The following AHNAK2 variants were observed in gnomAD, a reference collection of about 807,000 sequenced individuals.
AHNAK2 encodes AHNAK nucleoprotein 2, also known as protein AHNAK2.
In AHNAK2, 18 loss-of-function variants were observed where a neutral mutation model predicts 30.7. The observed-to-expected ratio is 0.59, with a 90% CI of 0.41 to 0.87. The LOEUF is 0.87. Among genes scored for constraint, AHNAK2 ranks in the 40% least tolerant of loss-of-function variants. The probability of loss-of-function intolerance (pLI) is 0.00; values close to 1 mark genes in which losing one functional copy is unlikely to be tolerated. For missense variants in AHNAK2, 8,604 were observed against 7,373.0 expected (o/e 1.17, Z -6.11); for synonymous variants, 3,590 against 3,073.8 (o/e 1.17, Z -5.56).
rs1027341343 is a variant in AHNAK2 at position 104,938,035 on chromosome 14, T to C, written c.*28A>G. On this transcript the variant is annotated 3_prime_UTR_variant, in exon 7 of 7. Transcript: ENST00000333244. ...TTACTTTCCAACTTAGTTTTTTGCA[T>C]CTCTCTTGTACTGATGAGCCATACC... 8 of 1,582,906 alleles carry C rather than the reference T, an allele frequency of 5.1e-6. No homozygotes were observed. Among genetic ancestry groups the C allele is most frequent in the Non-Finnish European group, 6.9e-6 (8 of 1,162,998 alleles).
Position 104,944,722 on chromosome 14 carries a change from C to G in AHNAK2, c.10729G>C (p.Asp3577His). The change falls in exon 7 of 7, where the codon GAT becomes CAT. Residue 3577 changes from aspartate (D) to histidine (H), a missense_variant. Physicochemically the swap from Asp to His is moderately conservative, Grantham distance 81 (BLOSUM62 -1). Transcript: ENST00000333244. ...AGGTCCAGCTTGGGGCCCTTAACAT[C>G]TATCTGGGGGCCCTTGAGGTCCACT... ...PKVDLKGPQIDVKGPKLDLKG... is the reference protein window; with the variant it reads ...PKVDLKGPQIHVKGPKLDLKG... 6.2e-7 allele frequency: 1 copy of G among 1,612,594 alleles called. No individual in the cohort carries two copies. Among genetic ancestry groups the G allele is most frequent in the Non-Finnish European group, 8.5e-7 (1 of 1,179,524 alleles).
chr14:104,939,917 C>T lies in AHNAK2; in HGVS notation c.15534G>A (p.Glu5178=). The part of the protein sequence containing the change: ...AEVLTVESPE[E]EAMTKYSQES... Reference sequence around the variant, plus strand: ...CCTGCGAGTACTTGGTCATGGCTTCCTCCTCTGGGCTTTCCACTGTGAGGA... The same window carrying T: ...CCTGCGAGTACTTGGTCATGGCTTCTTCCTCTGGGCTTTCCACTGTGAGGA... The change falls in exon 7 of 7, where the codon GAG becomes GAA. Residue 5178 remains glutamate, a synonymous_variant. Coordinates refer to ENST00000333244, the MANE Select transcript of AHNAK2 (RefSeq NM_138420.4). 1.9e-6 allele frequency: 3 copies of T among 1,612,730 alleles called. No homozygotes were observed. Among genetic ancestry groups the T allele is most frequent in the Non-Finnish European group, 2.5e-6 (3 of 1,179,902 alleles).
At position 104,942,415 on chromosome 14, in the gene AHNAK2, G is replaced by C; in HGVS notation, c.13036C>G (p.Leu4346Val). Residue 4346 changes from leucine (L) to valine (V), a missense_variant, in exon 7 of 7, where the codon CTC becomes GTC. Leu to Val is a conservative substitution (Grantham distance 32). Transcript: ENST00000333244. ...TCAGCGGAAGGGGGCTGAATGCTGA[G>C]GTGAGTGGTCTTCAGGTCCCCCTGC... is the stretch of plus-strand genomic sequence containing the variant. ...SMQGDLKTTH[L>V]SIQPPSADLE... The C allele has an allele frequency of 6.2e-7, 1 of 1,613,118 alleles. No individual in the cohort carries two copies. The highest frequency in any genetic ancestry group is 1.1e-5 in the South Asian group (1 of 91,058).
Position 104,947,507 on chromosome 14 carries a change from G to T in AHNAK2, c.7944C>A (p.Phe2648Leu), listed in dbSNP as rs1898353459. Residue 2648 changes from phenylalanine (F) to leucine (L), a missense_variant, in exon 7 of 7, where the codon TTC (phenylalanine) becomes TTA (leucine). Transcript: ENST00000333244. Reference sequence around the variant, plus strand: ...ATGGCATCTTGAACTTGGGCATTTTGAACTTGCTATCTTTGGCTGTCACAC... The same window carrying T: ...ATGGCATCTTGAACTTGGGCATTTTTAACTTGCTATCTTTGGCTGTCACAC... ...DKGVTAKDSK[F>L]KMPKFKMPSF... The T allele has an allele frequency of 1.3e-5, 21 of 1,612,520 alleles. No homozygotes were observed. The highest frequency in any genetic ancestry group is 3.3e-5 in the Admixed American group (2 of 59,884).
chr14:104,938,305 C>G lies in AHNAK2; in HGVS notation c.17146G>C (p.Glu5716Gln). 1 of 1,613,878 alleles carries G rather than the reference C, an allele frequency of 6.2e-7. No individual in the cohort carries two copies. The change falls in exon 7 of 7, where the codon GAA becomes CAA. Residue 5716 changes from glutamate (E) to glutamine (Q), a missense_variant. Transcript: ENST00000333244. ...TGTTCTTCCAGCTCTGCCCCATCTT[C>G]GGTGCTTTTGCTTTTCTTGGTAGGA... Reference protein sequence around the residue: ...SSPTKKSKSTEDGAELEEQKL... With the variant: ...SSPTKKSKSTQDGAELEEQKL...
chr14:104,955,720 G>T, intron 4 of AHNAK2, 87 bp from the exon 5 acceptor site: 1 of 1,507,320 alleles, frequency 6.6e-7, no homozygotes. Context: ...TCCAGAGGAT[G>T]GGCACCCCAC....
intron 4 of AHNAK2, 25 bp from the exon 5 acceptor site, chr14:104,955,658 A>G (rs752793172): frequency 8.7e-6 from 14 of 1,607,674 alleles, no homozygotes; most frequent in Admixed American, 1.7e-5. Flanking sequence ...CATCAGGGCC[A>G]TGGTGAGCAT....
In AHNAK2 at chr14:104,951,236, G is replaced by T; in HGVS notation, c.4215C>A (p.Ala1405=). The T allele has an allele frequency of 6.6e-6, 7 of 1,060,946 alleles. 3 individuals are homozygous for T. Among genetic ancestry groups the T allele is most frequent in the Non-Finnish European group, 9.6e-6 (7 of 732,154 alleles). The allele number at this position is 1,060,946 out of a possible 1,614,324, so 65.7% of individuals were successfully genotyped here. Residue 1405 remains alanine, a synonymous_variant, in exon 7 of 7, where the codon GCC becomes GCA. Coordinates refer to ENST00000333244, the MANE Select transcript of AHNAK2 (RefSeq NM_138420.4). ...GCTTGGGCAGGTGCCCTTTGAGGCC[G>T]GCTCCCTCGGGCACGGGGCCCTCTG... ...KLPEGPVPEG[A]GLKGHLPKLQ...
At position 104,945,098 on chromosome 14, in the gene AHNAK2, A is replaced by C; in HGVS notation, c.10353T>G (p.Asp3451Glu). ...ACAGGTCCCCCTCCAGCCGCGCACC[A>C]TCCAGCTTGGCTCTCGGGGCCTGGA... ...VDVQAPRAKL[D>E]GARLEGDLSL... Residue 3451 changes from aspartate (D) to glutamate (E), a missense_variant, in exon 7 of 7, where the codon GAT becomes GAG. Coordinates refer to ENST00000333244, the MANE Select transcript of AHNAK2 (RefSeq NM_138420.4). The C allele has an allele frequency of 6.2e-7, 1 of 1,612,772 alleles. No homozygotes were observed. Among genetic ancestry groups the C allele is most frequent in the Non-Finnish European group, 8.5e-7 (1 of 1,179,600 alleles).
At position 104,943,428 on chromosome 14, in the gene AHNAK2, T is replaced by G; in HGVS notation, c.12023A>C (p.Gln4008Pro). The G allele has an allele frequency of 6.2e-7, 1 of 1,613,280 alleles. No individual in the cohort carries two copies. Among genetic ancestry groups the G allele is most frequent in the Non-Finnish European group, 8.5e-7 (1 of 1,179,642 alleles). ...GAGGTCAGTGGCCTTGAGGTCCCCC[T>G]GCATGGAAGGGAGGCTCACGTCGGC... ...VEADVSLPSM[Q>P]GDLKATDLSV... Residue 4008 changes from glutamine (Q) to proline (P), a missense_variant, in exon 7 of 7, where the codon CAG becomes CCG. Coordinates refer to ENST00000333244, the MANE Select transcript of AHNAK2 (RefSeq NM_138420.4).
chr14:104,961,303 A>G (rs185389641), intron 1 of AHNAK2, among the ~76,000 whole-genome samples: 1 of 151,728 alleles, frequency 6.6e-6, no homozygotes, highest in Non-Finnish European at 1.5e-5. Flanking sequence ...TCACGAGGTC[A>G]GGAGATCAAA....
rs552547151 is a variant in AHNAK2 at position 104,943,972 on chromosome 14, G to A, written c.11479C>T (p.His3827Tyr). The change falls in exon 7 of 7, where the codon CAC becomes TAC. Residue 3827 changes from histidine (H) to tyrosine (Y), a missense_variant. By Grantham distance (83) the His-to-Tyr change is moderately conservative. Transcript: ENST00000333244. ...APGKSIEASVHVSAPKVEADV... is the reference protein window; with the variant it reads ...APGKSIEASVYVSAPKVEADV... ...GCCTCCACCTTGGGTGCAGACACGT[G>A]CACCGAGGCCTCAATGGACTTGCCT... 1.9e-6 allele frequency: 3 copies of A among 1,608,304 alleles called. No individual in the cohort carries two copies. The highest frequency in any genetic ancestry group is 3.4e-5 in the Admixed American group (2 of 59,432).
rs776047703 is a variant in AHNAK2, at chr14:104,948,505, T to G, written c.6946A>C (p.Ser2316Arg). The stretch of plus-strand genomic sequence containing the variant: ...TTGAACTTGGGCATTTTGAACTTGC[T>G]GTCTTTGGCAGTCACGTCCTTGTCG... ...LADKDVTAKD[S>R]KFKMPKFKML... is the part of the protein sequence containing the mutation. Residue 2316 changes from serine (S) to arginine (R), a missense_variant, in exon 7 of 7, where the codon AGC becomes CGC. Coordinates refer to ENST00000333244, the MANE Select transcript of AHNAK2 (RefSeq NM_138420.4). The G allele has an allele frequency of 1.2e-6, 2 of 1,610,588 alleles. No individual in the cohort carries two copies. Among genetic ancestry groups the G allele is most frequent in the East Asian group, 2.2e-5 (1 of 44,562 alleles).
In AHNAK2 at chr14:104,955,001, C is replaced by G. The variant is rs772401283; in HGVS notation, c.607G>C (p.Ala203Pro). The G allele has an allele frequency of 6.2e-7, 1 of 1,613,636 alleles. No individual in the cohort carries two copies. The highest frequency in any genetic ancestry group is 2.2e-5 in the East Asian group (1 of 44,892). ...QLPAPQDEEW[A>P]SSDAQHGPQG... ...GGGCCGTGCTGGGCATCGCTGGAAGCCCACTCTTCATCCTGTGGGGCAGGG... is the reference window on the plus strand; with the variant it reads ...GGGCCGTGCTGGGCATCGCTGGAAGGCCACTCTTCATCCTGTGGGGCAGGG... Residue 203 changes from alanine to proline, a missense_variant, in exon 6 of 7, where the codon GCT becomes CCT. Transcript: ENST00000333244.
Position 104,951,260 on chromosome 14 carries a change from T to C in AHNAK2, c.4191A>G (p.Pro1397=), listed in dbSNP as rs572861020. Reference sequence around the variant, plus strand: ...CGGCTCCCTCGGGCACGGGGCCCTCTGGGAGTTTCACGTCCAATTGGCCAG... The same window carrying C: ...CGGCTCCCTCGGGCACGGGGCCCTCCGGGAGTTTCACGTCCAATTGGCCAG... ...LQAGQLDVKL[P]EGPVPEGAGL... Residue 1397 remains proline, a synonymous_variant, in exon 7 of 7, where the codon CCA becomes CCG. Coordinates refer to ENST00000333244, the MANE Select transcript of AHNAK2 (RefSeq NM_138420.4). 9.0e-4 allele frequency: 947 copies of C among 1,054,068 alleles called. 271 individuals carry two copies. The highest frequency in any genetic ancestry group is 6.9e-3 in the East Asian group (294 of 42,830). 65.3% of individuals were successfully genotyped at this position (1,054,068 alleles called of 1,614,324 possible).
At position 104,948,563 on chromosome 14, in the gene AHNAK2, A is replaced by G. The variant is rs748426627; in HGVS notation, c.6888T>C (p.Asp2296=). 3.3e-5 allele frequency: 53 copies of G among 1,611,938 alleles called. No individual in the cohort carries two copies. In the African/African-American group the frequency reaches 3.9e-4, roughly 12 times the overall value. The change falls in exon 7 of 7, where the codon GAT becomes GAC. Residue 2296 remains aspartate (D), a synonymous_variant. Coordinates refer to ENST00000333244, the MANE Select transcript of AHNAK2 (RefSeq NM_138420.4). ...ACATGTCCCCCTCCAGCCGCGCACCATCCAGCTTGGCTCCTGGGGCCTTGA... is the reference window on the plus strand; with the variant it reads ...ACATGTCCCCCTCCAGCCGCGCACCGTCCAGCTTGGCTCCTGGGGCCTTGA... ...VDVKAPGAKL[D]GARLEGDMSL...
At chr14:104,975,311 G>A (rs933848911) in intron 1 of AHNAK2, among the ~76,000 whole-genome samples, 3 of 152,234 alleles carry the variant, frequency 2.0e-5, no homozygotes, top group Non-Finnish European at 4.4e-5. Flanking sequence ...GGCACTGCCT[G>A]AGGCTTGGGG....
At position 104,954,589 on chromosome 14, in the gene AHNAK2, T is replaced by A; in HGVS notation, c.862A>T (p.Arg288Trp). Residue 288 changes from arginine to tryptophan, a missense_variant, in exon 7 of 7, where the codon AGG becomes TGG. By Grantham distance (101) the Arg-to-Trp change is moderately radical (BLOSUM62 -3). Coordinates refer to ENST00000333244, the MANE Select transcript of AHNAK2 (RefSeq NM_138420.4). This position sits in a 1 kb window ranked among gnomAD's most constrained non-coding sequence, Gnocchi z 4.3. ...GTAGGGGACACGTCATGTGCGTCCC[T>A]AGGTTCGTAGGCCTCTGACGAGCTG... is the stretch of plus-strand genomic sequence containing the variant. ...SHSSSEAYEPRDAHDVSPTST... is the reference protein window; with the variant it reads ...SHSSSEAYEPWDAHDVSPTST... 6.2e-7 allele frequency: 1 copy of A among 1,609,778 alleles called. No individual in the cohort carries two copies. The highest frequency in any genetic ancestry group is 8.5e-7 in the Non-Finnish European group (1 of 1,178,080).
In AHNAK2 at chr14:104,946,340, G is replaced by C; in HGVS notation, c.9111C>G (p.Val3037=). The change falls in exon 7 of 7, where the codon GTC becomes GTG. Residue 3037 remains valine, a synonymous_variant. Coordinates refer to ENST00000333244, the MANE Select transcript of AHNAK2 (RefSeq NM_138420.4). ...SIEPPSAQLE[V]QAGQVDLKLP... ...GCTTCAGGTCCACCTGGCCAGCCTG[G>C]ACCTCCAGTTGGGCAGAGGGGGGCT... is the stretch of plus-strand genomic sequence containing the variant. 1 of 1,612,144 alleles carries C rather than the reference G, an allele frequency of 6.2e-7. No individual in the cohort carries two copies. Among genetic ancestry groups the C allele is most frequent in the African/African-American group, 1.3e-5 (1 of 74,468 alleles).
Sources: allele counts gnomAD v4.1 joint callset (sites outside exome capture counted in the v4.1 genomes callset), GRCh38; gene constraint gnomAD v4.1.1; non-coding constraint Gnocchi (gnomAD v3.1); transcripts MANE v1.5; gene names NCBI Gene and HGNC (gene_info 2026-07-23, HGNC 2026-07-21).